The following SPAG16 variants were observed in gnomAD, a reference collection of about 807,000 sequenced individuals.
The protein encoded by SPAG16 is sperm-associated antigen 16 protein.
In SPAG16, 86 loss-of-function variants were observed where a neutral mutation model predicts 80.4. The observed-to-expected ratio is 1.07, with a 90% CI of 0.90 to 1.28. The LOEUF is 1.28. Among genes scored for constraint, SPAG16 ranks in the 50% most tolerant of loss-of-function variants. SPAG16 has a pLI of 0.00. For synonymous variants in SPAG16, 294 were observed against 265.9 expected, an observed-to-expected ratio of 1.11 and a Z score of -1.03; for missense variants, 870 against 765.3, an observed-to-expected ratio of 1.14 and a Z score of -1.61.
intron 10 of SPAG16, among the ~76,000 whole-genome samples, chr2:213,830,598 C>A (rs2073577972): frequency 6.6e-6 from 1 of 152,038 alleles, no homozygotes; most frequent in South Asian, 2.1e-4. Flanking sequence ...GTAAGTTGTT[C>A]TTTTATTAGT....
intron 10 of SPAG16, among the ~76,000 whole-genome samples, chr2:213,643,067 A>G (rs72940992): frequency 4.3e-3 from 100 of 23,326 alleles, no homozygotes; most frequent in African/African-American, 0.013. Flanking sequence ...GTGTGTGTGT[A>G]TATATATATA....
At chr2:214,339,889 G>T (rs1697548519) in intron 15 of SPAG16, among the ~76,000 whole-genome samples, 1 of 152,112 alleles carries the variant, frequency 6.6e-6, no homozygotes, top group Non-Finnish European at 1.5e-5. Context: ...TCTAAAAGGA[G>T]ATTATCCAGG....
chr2:213,905,993 A>C (rs1046808658), intron 11 of SPAG16, among the ~76,000 whole-genome samples: 1 of 152,196 alleles, frequency 6.6e-6, no homozygotes, highest in Non-Finnish European at 1.5e-5. Flanking sequence ...CTTTGAGATG[A>C]ATAAATAAAT....
chr2:213,349,534 C>G (rs904006683), intron 6 of SPAG16, among the ~76,000 whole-genome samples: 18 of 152,088 alleles, frequency 1.2e-4, no homozygotes, highest in Non-Finnish European at 1.9e-4. Flanking sequence ...AATTAAACTC[C>G]TGGGTGTTTA....
At chr2:214,359,122 G>C (rs1490134831) in intron 15 of SPAG16, among the ~76,000 whole-genome samples, 1 of 151,788 alleles carries the variant, frequency 6.6e-6, no homozygotes, top group Non-Finnish European at 1.5e-5. Context: ...AATAGTAATA[G>C]TAATAAGAGC....
chr2:213,931,887 G>A (rs769850794), intron 12 of SPAG16, among the ~76,000 whole-genome samples: 46 of 151,924 alleles, frequency 3.0e-4, no homozygotes, highest in Non-Finnish European at 5.6e-4. Context: ...GATAAGTATT[G>A]ACAAATAAAG....
At chr2:214,041,545 A>C (rs1228575219) in intron 13 of SPAG16, among the ~76,000 whole-genome samples, 1 of 151,332 alleles carries the variant, frequency 6.6e-6, no homozygotes, top group South Asian at 2.1e-4. Flanking sequence ...TTTTTAGGGG[A>C]AGATTTTATA....
At position 213,490,010 on chromosome 2, in the gene SPAG16, T is replaced by C. The variant is rs1338451386; in HGVS notation, c.990T>C (p.Val330=). The C allele has an allele frequency of 3.7e-6, 6 of 1,610,502 alleles. No individual in the cohort carries two copies. Among genetic ancestry groups the C allele is most frequent in the Non-Finnish European group, 5.1e-6 (6 of 1,178,472 alleles). ...TGCAACCAAATCCAAACCTGAATGT[T>C]TCTAAAGAAAGTCTTTCTCCAGCAA... ...IDMQPNPNLN[V]SKESLSPAKF... Residue 330 remains valine, a synonymous_variant, in exon 10 of 16, where the codon GTT becomes GTC. Transcript: ENST00000331683.
chr2:213,346,955 GA>G (rs571994171), intron 6 of SPAG16, among the ~76,000 whole-genome samples: 1 of 152,162 alleles, frequency 6.6e-6, no homozygotes, highest in Non-Finnish European at 1.5e-5. Context: ...GTTTTAGAAG[GA>G]ATGGTACCAG....
intron 11 of SPAG16, among the ~76,000 whole-genome samples, chr2:213,909,466 A>C (rs1017395988): frequency 2.0e-5 from 3 of 152,158 alleles, no homozygotes; most frequent in East Asian, 1.9e-4. Flanking sequence ...ACGCTACCTG[A>C]CTTCAAACTA....
intron 10 of SPAG16, among the ~76,000 whole-genome samples, chr2:213,586,109 A>T (rs971633720): frequency 3.3e-5 from 5 of 152,188 alleles, no homozygotes; most frequent in African/African-American, 9.7e-5. Context: ...AACAATTATT[A>T]TTTGAAATCT....
intron 4 of SPAG16, among the ~76,000 whole-genome samples, chr2:213,316,380 C>T (rs2063400521): frequency 6.6e-6 from 1 of 152,070 alleles, no homozygotes; most frequent in Non-Finnish European, 1.5e-5. Flanking sequence ...TTCTTTCAAG[C>T]CACCATGCTC....
At position 213,286,932 on chromosome 2, in the gene SPAG16, AC is replaced by A. The variant is rs536745533; in HGVS notation, c.136+2314del. Among the ~76,000 whole-genome samples the A allele has an allele frequency of 7.9e-5, 12 of 152,350 alleles. 1 individual carries two copies. The South Asian group carries it at 2.5e-3, about 32-fold the overall frequency. ...GGTCCCATGTCCTTTATAATGGTTT[AC>A]ACACTGGGTTCAGGAAAAAGAGTTC... On this transcript the variant is annotated intron_variant, in intron 1 of 15. Coordinates refer to ENST00000331683, the MANE Select transcript of SPAG16 (RefSeq NM_024532.5).
intron 15 of SPAG16, among the ~76,000 whole-genome samples, chr2:214,250,757 T>TATATATATAGAGAG (rs1475343777): frequency 1.1e-5 from 1 of 91,286 alleles, no homozygotes; most frequent in African/African-American, 4.1e-5. Flanking sequence ...TATATATATA[T>TATATATATAGAGAG]AGAGAGAGAG....
At chr2:213,420,357 T>A (rs899290211) in intron 9 of SPAG16, among the ~76,000 whole-genome samples, 46 of 152,340 alleles carry the variant, frequency 3.0e-4, no homozygotes, top group African/African-American at 1.1e-3. Context: ...TGTTGCATTT[T>A]TCTTCAGAAA....
intron 10 of SPAG16, among the ~76,000 whole-genome samples, chr2:213,580,946 A>AC (rs2060278862): frequency 6.6e-6 from 1 of 152,004 alleles, no homozygotes; most frequent in Non-Finnish European, 1.5e-5. Context: ...TTTGTAATTA[A>AC]GTAAGCCTAT....
intron 10 of SPAG16, among the ~76,000 whole-genome samples, chr2:213,498,964 C>T (rs1015740398): frequency 2.6e-5 from 4 of 152,126 alleles, no homozygotes; most frequent in African/African-American, 9.7e-5. Context: ...TTGAATTTAT[C>T]CTTCCTACTG....
chr2:213,876,605 G>T (rs376565818), intron 11 of SPAG16, among the ~76,000 whole-genome samples: 2 of 152,092 alleles, frequency 1.3e-5, no homozygotes, highest in Admixed American at 1.3e-4. Context: ...ATTCTACGAC[G>T]TAAGTCTGGA....
chr2:213,488,814 CG>C (rs1197724360), intron 9 of SPAG16, among the ~76,000 whole-genome samples: 7 of 148,204 alleles, frequency 4.7e-5, no homozygotes, highest in Middle Eastern at 3.6e-3. Context: ...GCGGTGCTCA[CG>C]TCTGTAATCC....
Sources: gnomAD v4.1 joint callset for allele counts (sites outside exome capture counted in the v4.1 genomes callset) on GRCh38, gnomAD v4.1.1 for gene constraint, MANE v1.5 for transcripts, NCBI Gene and HGNC (gene_info 2026-07-23, HGNC 2026-07-21) for gene names.